The following MALRD1 variants were observed in gnomAD, a reference collection of about 807,000 sequenced individuals.
MALRD1 encodes MAM and LDL receptor class A domain containing 1, also known as MAM and LDL-receptor class A domain-containing protein 1.
MALRD1 carries 247 observed loss-of-function variants against 242.1 expected under a neutral mutation model. The observed-to-expected ratio is 1.02, with a 90% CI of 0.92 to 1.13. The LOEUF is 1.13. Among genes scored for constraint, MALRD1 ranks in the 50% most tolerant of loss-of-function variants. The pLI, the probability that MALRD1 is intolerant of heterozygous loss-of-function variation, is 0.00. For missense variants in MALRD1, 2,989 were observed against 2,533.1 expected (o/e 1.18, Z -3.86); for synonymous variants, 995 against 866.6 (o/e 1.15, Z -2.60).
chr10:19,558,483 T>C (rs1190701347), intron 32 of MALRD1, among the ~76,000 whole-genome samples: 2 of 152,224 alleles, frequency 1.3e-5, no homozygotes, highest in Admixed American at 1.3e-4. Context: ...TCTGCATGTA[T>C]TGATATAATT....
chr10:19,517,976 C>T (rs188940378), intron 31 of MALRD1, among the ~76,000 whole-genome samples: 119 of 152,298 alleles, frequency 7.8e-4, no homozygotes, highest in Non-Finnish European at 1.4e-3. Flanking sequence ...AGGTAGCACT[C>T]AGAACCAGAA....
intron 14 of MALRD1, among the ~76,000 whole-genome samples, chr10:19,175,591 A>G (rs971699400): frequency 3.3e-5 from 5 of 151,104 alleles, no homozygotes; most frequent in Non-Finnish European, 5.9e-5. Context: ...TTAATTATAA[A>G]TATTATGAAA....
intron 36 of MALRD1, among the ~76,000 whole-genome samples, chr10:19,665,001 T>C (rs1841613639): frequency 6.6e-6 from 1 of 152,126 alleles, no homozygotes; most frequent in South Asian, 2.1e-4. Flanking sequence ...ATTGATTATA[T>C]TTATAACCTT....
At chr10:19,283,530 ACCT>A (rs1241996998) in intron 21 of MALRD1, among the ~76,000 whole-genome samples, 1 of 151,058 alleles carries the variant, frequency 6.6e-6, no homozygotes, top group Non-Finnish European at 1.5e-5. Context: ...CTCTTCCACC[ACCT>A]CCTCCTCCCA....
At chr10:19,308,952 CTGTT>C (rs1449933910) in intron 21 of MALRD1, among the ~76,000 whole-genome samples, 4 of 151,468 alleles carry the variant, frequency 2.6e-5, no homozygotes, top group South Asian at 2.1e-4. Context: ...GAGTATGTTT[CTGTT>C]TGTTTTAGAT....
intron 22 of MALRD1, among the ~76,000 whole-genome samples, chr10:19,326,554 T>C (rs1039328409): frequency 5.3e-5 from 8 of 152,062 alleles, no homozygotes; most frequent in Non-Finnish European, 1.5e-5. Flanking sequence ...CCTTTCAAAA[T>C]TGATTTTTAC....
At chr10:19,183,115 GT>G (rs71387051) in intron 14 of MALRD1, among the ~76,000 whole-genome samples, 5,775 of 137,760 alleles carry the variant, frequency 0.042, 193 homozygotes, top group African/African-American at 0.11. Flanking sequence ...TATTTTGAGG[GT>G]TTTTTTTTTT....
chr10:19,291,815 G>T (rs976401029), intron 21 of MALRD1, among the ~76,000 whole-genome samples: 2 of 151,922 alleles, frequency 1.3e-5, no homozygotes, highest in African/African-American at 4.8e-5. Flanking sequence ...GCCAGGTGCA[G>T]TGCTTCAACC....
chr10:19,645,239 AG>A, intron 36 of MALRD1, among the ~76,000 whole-genome samples: 1 of 152,122 alleles, frequency 6.6e-6, no homozygotes, highest in Non-Finnish European at 1.5e-5. Context: ...CAGGTGCTGG[AG>A]AGGATGTGGA....
intron 5 of MALRD1, among the ~76,000 whole-genome samples, chr10:19,112,530 G>A (rs1836713827): frequency 6.6e-6 from 1 of 152,106 alleles, no homozygotes; most frequent in South Asian, 2.1e-4. Context: ...CGGGGACCAA[G>A]GAATTTATTT....
chr10:19,443,817 T>A (rs1174379293), intron 28 of MALRD1, among the ~76,000 whole-genome samples: 1 of 152,208 alleles, frequency 6.6e-6, no homozygotes, highest in East Asian at 1.9e-4. Context: ...GATGGAGAGT[T>A]CTGTACATGT....
chr10:19,452,878 G>A (rs1423389572), intron 29 of MALRD1, among the ~76,000 whole-genome samples: 1 of 152,142 alleles, frequency 6.6e-6, no homozygotes, highest in Non-Finnish European at 1.5e-5. Flanking sequence ...TGTGGGCATG[G>A]CATCTGGCTG....
chr10:19,716,509 T>C (rs560835366), intron 38 of MALRD1, among the ~76,000 whole-genome samples: 2 of 152,342 alleles, frequency 1.3e-5, no homozygotes, highest in African/African-American at 2.4e-5. Flanking sequence ...GAAGCCACTA[T>C]GCTTCCTGTA....
chr10:19,373,237 G>T (rs1459401544), intron 26 of MALRD1, among the ~76,000 whole-genome samples: 1 of 109,426 alleles, frequency 9.1e-6, no homozygotes, highest in Non-Finnish European at 1.9e-5. Flanking sequence ...GCCGGGCACG[G>T]TGGCTCATGC....
At chr10:19,251,468 C>T (rs1481254225) in intron 18 of MALRD1, among the ~76,000 whole-genome samples, 1 of 151,962 alleles carries the variant, frequency 6.6e-6, no homozygotes. Context: ...GTCTGACATG[C>T]AGGTAAACAT....
Position 19,352,416 on chromosome 10 carries a change from A to G in MALRD1, c.4441+119A>G, listed in dbSNP as rs560107193. The stretch of plus-strand genomic sequence containing the variant: ...GTAATTTATCACTTTCATAAAGAAA[A>G]TATAAGATCTTTTTAAACTCAAAAA... On this transcript the variant is annotated intron_variant, in intron 26 of 39. Transcript: ENST00000454679. The G allele has an allele frequency of 2.2e-5, 21 of 947,504 alleles. No individual in the cohort carries two copies. The South Asian group carries it at 3.7e-4, about 16-fold the overall frequency. 58.7% of individuals were successfully genotyped at this position (947,504 alleles called of 1,614,324 possible).
intron 38 of MALRD1, among the ~76,000 whole-genome samples, chr10:19,695,407 A>C (rs1242691522): frequency 6.6e-6 from 1 of 151,964 alleles, no homozygotes; most frequent in Non-Finnish European, 1.5e-5. Flanking sequence ...ACATACCAAG[A>C]CTGCATAATT....
chr10:19,340,071 CTACCA>C (rs1843777553), intron 24 of MALRD1, among the ~76,000 whole-genome samples: 1 of 151,942 alleles, frequency 6.6e-6, no homozygotes, highest in Non-Finnish European at 1.5e-5. Flanking sequence ...TAATTACCTC[CTACCA>C]GGTCCCTCTC....
chr10:19,368,159 G>A (rs1258622203), intron 26 of MALRD1, among the ~76,000 whole-genome samples: 1 of 151,356 alleles, frequency 6.6e-6, no homozygotes, highest in Non-Finnish European at 1.5e-5. Flanking sequence ...TTTGTTTTTT[G>A]CCTGTGCTTT....
Sources: allele counts gnomAD v4.1 joint callset (sites outside exome capture counted in the v4.1 genomes callset), GRCh38; gene constraint gnomAD v4.1.1; transcripts MANE v1.5; gene names NCBI Gene and HGNC (gene_info 2026-07-23, HGNC 2026-07-21).